The following KCNV2 variants were observed in gnomAD, a reference collection of about 807,000 sequenced individuals.
KCNV2 encodes the protein potassium voltage-gated channel modifier subfamily V member 2, also known as potassium voltage-gated channel subfamily V member 2.
In KCNV2, 65 loss-of-function variants were observed where a neutral mutation model predicts 37.0. The ratio of observed to expected loss-of-function variants is 1.76; its 90% CI spans 1.44 to 2.16. KCNV2 has a LOEUF of 2.16. Among genes scored for constraint, KCNV2 ranks in the 30% most tolerant of loss-of-function variants. KCNV2 has a pLI of 0.00. For synonymous variants in KCNV2, 518 were observed against 328.6 expected (o/e 1.58, Z -6.23); for missense variants, 1,232 against 766.7 (o/e 1.61, Z -7.17).
chr9:2,726,452 A>G (rs1338844329), intron 1 of KCNV2, among the ~76,000 whole-genome samples: 1 of 152,142 alleles, frequency 6.6e-6, no homozygotes, highest in Non-Finnish European at 1.5e-5. Flanking sequence ...CTTTAAGCCA[A>G]TTCTCTTTGC....
intron 1 of KCNV2, among the ~76,000 whole-genome samples, chr9:2,719,775 C>T (rs1249098064): frequency 6.6e-6 from 1 of 152,242 alleles, no homozygotes; most frequent in Non-Finnish European, 1.5e-5. Context: ...GAAACTCAGT[C>T]CTGTCCATCT....
chr9:2,718,685 G>C lies in KCNV2; in HGVS notation c.946G>C (p.Glu316Gln), dbSNP rs761886297. Reference sequence around the variant, plus strand: ...GCTGTGCATGGGCTTCTTCACGCTCGAGTACCTGCTGCGCCTAGCCTCCAC... The same window carrying C: ...GCTGTGCATGGGCTTCTTCACGCTCCAGTACCTGCTGCGCCTAGCCTCCAC... ...EMLCMGFFTL[E>Q]YLLRLASTPD... The change falls in exon 1 of 2, where the codon GAG (glutamate) becomes CAG (glutamine). Residue 316 changes from glutamate to glutamine, a missense_variant. Coordinates refer to ENST00000382082, the MANE Select transcript of KCNV2 (RefSeq NM_133497.4). 63 of 1,613,194 alleles carry C rather than the reference G, an allele frequency of 3.9e-5. No individual in the cohort carries two copies. In the Admixed American group the frequency reaches 5.2e-4, roughly 13 times the overall value.
chr9:2,723,956 TCTTTTAC>T (rs1233837208), intron 1 of KCNV2, among the ~76,000 whole-genome samples: 3 of 150,984 alleles, frequency 2.0e-5, no homozygotes, highest in African/African-American at 7.3e-5. Context: ...ATGGTTTTTT[TCTTTTAC>T]TTTTTTTTTT....
rs372942165 is a variant in KCNV2, at chr9:2,718,067, C to G, written c.328C>G (p.Leu110Val). 7.5e-6 allele frequency: 12 copies of G among 1,605,356 alleles called. No homozygotes were observed. Among genetic ancestry groups the G allele is most frequent in the East Asian group, 2.2e-5 (1 of 44,600 alleles). ...GAACGTGGGTGGCCACAGCTACCAG[C>G]TGGACTACTGCGAGCTGGCCGGCTT... ...NVNVGGHSYQ[L>V]DYCELAGFPK... The change falls in exon 1 of 2, where the codon CTG becomes GTG. Residue 110 changes from leucine (L) to valine (V), a missense_variant. By Grantham distance (32) the Leu-to-Val change is conservative. Transcript: ENST00000382082.
chr9:2,724,636 G>A (rs749988507), intron 1 of KCNV2, among the ~76,000 whole-genome samples: 8 of 152,186 alleles, frequency 5.3e-5, no homozygotes, highest in Non-Finnish European at 1.0e-4. Flanking sequence ...TCCTAAATTG[G>A]CACCATGAGG....
Position 2,718,295 on chromosome 9 carries a change from G to T in KCNV2, c.556G>T (p.Gly186Cys). The change falls in exon 1 of 2, where the codon GGC (glycine) becomes TGC (cysteine). Residue 186 changes from glycine to cysteine, a missense_variant. Physicochemically the swap from Gly to Cys is radical, Grantham distance 159. Transcript: ENST00000382082. ...LCPRRFLEEL[G>C]YWGVRLKYTP... ...TCCGCGCCGCTTCCTGGAGGAGCTGGGCTACTGGGGCGTGCGGCTCAAGTA... is the reference window on the plus strand; with the variant it reads ...TCCGCGCCGCTTCCTGGAGGAGCTGTGCTACTGGGGCGTGCGGCTCAAGTA... 2.5e-6 allele frequency: 4 copies of T among 1,610,530 alleles called. No homozygotes were observed. The highest frequency in any genetic ancestry group is 3.4e-6 in the Non-Finnish European group (4 of 1,179,554).
Position 2,719,019 on chromosome 9 carries a change from CGGCT to C in KCNV2, c.1282_1285del (p.Ala428SerfsTer25). ...GCCATGGGCATCTTCACTTTCTCTG[CGGCT>C]GTCTACTCTGTGGAGCACGATGTGC... On this transcript the variant is annotated frameshift_variant, in exon 1 of 2. Transcript: ENST00000382082. LOFTEE classifies it high-confidence loss of function. 1 of 1,612,888 alleles carries C rather than the reference CGGCT, an allele frequency of 6.2e-7. No individual in the cohort carries two copies. The highest frequency in any genetic ancestry group is 8.5e-7 in the Non-Finnish European group (1 of 1,180,028).
intron 1 of KCNV2, among the ~76,000 whole-genome samples, chr9:2,725,596 G>A (rs1042885615): frequency 2.0e-5 from 3 of 152,232 alleles, no homozygotes; most frequent in Non-Finnish European, 4.4e-5. Context: ...AGTAAGTACA[G>A]CCTTTGAAGC....
At chr9:2,723,784 T>G (rs987214573) in intron 1 of KCNV2, among the ~76,000 whole-genome samples, 1 of 152,152 alleles carries the variant, frequency 6.6e-6, no homozygotes, top group African/African-American at 2.4e-5. Flanking sequence ...TGTTCCCTCA[T>G]GGGAGAACTT....
chr9:2,718,707 C>A lies in KCNV2; in HGVS notation c.968C>A (p.Ser323Tyr). Residue 323 changes from serine to tyrosine, a missense_variant, in exon 1 of 2, where the codon TCC becomes TAC. Ser to Tyr is a moderately radical substitution (Grantham distance 144). Coordinates refer to ENST00000382082, the MANE Select transcript of KCNV2 (RefSeq NM_133497.4). ...CTCGAGTACCTGCTGCGCCTAGCCT[C>A]CACGCCCGACCTGAGGCGCTTCGCG... ...FTLEYLLRLASTPDLRRFARS... is the reference protein window; with the variant it reads ...FTLEYLLRLAYTPDLRRFARS... The A allele has an allele frequency of 6.2e-7, 1 of 1,613,160 alleles. No individual in the cohort carries two copies. Among genetic ancestry groups the A allele is most frequent in the East Asian group, 2.2e-5 (1 of 44,850 alleles).
In KCNV2 at chr9:2,717,803, G is replaced by T. The variant is rs1257547518; in HGVS notation, c.64G>T (p.Glu22Ter). The change falls in exon 1 of 2, where the codon GAG becomes TAG. Residue 22 changes from glutamate to a stop codon, truncating the protein, a stop_gained. Transcript: ENST00000382082. LOFTEE classifies it high-confidence loss of function. Reference sequence around the variant, plus strand: ...CAGGCCCTGGAACACGACGGAGAATGAGGGCAGCCAACACCGCAGGAGCAT... The same window carrying T: ...CAGGCCCTGGAACACGACGGAGAATTAGGGCAGCCAACACCGCAGGAGCAT... ...SYRPWNTTENEGSQHRRSICS... is the reference protein window; with the variant it reads ...SYRPWNTTEN The T allele has an allele frequency of 2.5e-6, 4 of 1,614,136 alleles. No individual in the cohort carries two copies. Among genetic ancestry groups the T allele is most frequent in the Non-Finnish European group, 3.4e-6 (4 of 1,180,050 alleles).
rs755979562 is a variant in KCNV2, at chr9:2,717,689, G to T, written c.-51G>T. 3.1e-6 allele frequency: 5 copies of T among 1,612,600 alleles called. No homozygotes were observed. The African/African-American group carries it at 4.0e-5, about 13-fold the overall frequency. ...TCCTAGAGGCAGTGAGCAGGTGAGG[G>T]ACCCCTACCACAGCCAGGAGGAAAA... On this transcript the variant is annotated 5_prime_UTR_variant, in exon 1 of 2. Coordinates refer to ENST00000382082, the MANE Select transcript of KCNV2 (RefSeq NM_133497.4).
chr9:2,723,843 T>C lies in KCNV2; in HGVS notation c.1356+4748T>C, dbSNP rs897027214. On this transcript the variant is annotated intron_variant, in intron 1 of 1. Transcript: ENST00000382082. ...CACGCCTAAAGCAGCTCCAGCCATC[T>C]TGGGGCTCTCTGGATTGCCTGGGGG... Among the ~76,000 whole-genome samples the C allele has an allele frequency of 1.2e-4, 18 of 152,358 alleles. No homozygotes were observed. The East Asian group carries it at 1.7e-3, about 15-fold the overall frequency.
chr9:2,729,636 G>C lies in KCNV2; in HGVS notation c.1547G>C (p.Gly516Ala). The C allele has an allele frequency of 6.2e-7, 1 of 1,614,138 alleles. No homozygotes were observed. Among genetic ancestry groups the C allele is most frequent in the Non-Finnish European group, 8.5e-7 (1 of 1,179,998 alleles). ...YEYTTIRRER[G>A]EVNFMQRARK... ...TATACCACCATACGCAGGGAGAGGG[G>C]AGAGGTGAACTTCATGCAGAGAGCC... Residue 516 changes from glycine to alanine, a missense_variant, in exon 2 of 2, where the codon GGA becomes GCA. By Grantham distance (60) the Gly-to-Ala change is moderately conservative. Transcript: ENST00000382082.
chr9:2,719,571 T>G lies in KCNV2; in HGVS notation c.1356+476T>G, dbSNP rs144426802. 6.9e-3 allele frequency among the ~76,000 whole-genome samples: 1,044 copies of G among 152,264 alleles called. 15 individuals are homozygous for G. The highest frequency in any genetic ancestry group is 0.024 in the African/African-American group (985 of 41,554). ...TGAGACTTGGCTGAACCATGTTGAC[T>G]CTAACTGAAATCCCACCACCTCTGG... is the stretch of plus-strand genomic sequence containing the variant. On this transcript the variant is annotated intron_variant, in intron 1 of 1. Coordinates refer to ENST00000382082, the MANE Select transcript of KCNV2 (RefSeq NM_133497.4).
In KCNV2 at chr9:2,727,245, G is replaced by A. The variant is rs181292690; in HGVS notation, c.1357-2201G>A. 2.7e-4 allele frequency among the ~76,000 whole-genome samples: 40 copies of A among 150,836 alleles called. No individual in the cohort carries two copies. In the East Asian group the frequency reaches 7.2e-3, roughly 27 times the overall value. ...GGTCAATGACAAGAAACACACACCCGGACACAGGAAGGGGAACATCACACA... is the reference window on the plus strand; with the variant it reads ...GGTCAATGACAAGAAACACACACCCAGACACAGGAAGGGGAACATCACACA... On this transcript the variant is annotated intron_variant, in intron 1 of 1. Coordinates refer to ENST00000382082, the MANE Select transcript of KCNV2 (RefSeq NM_133497.4).
In KCNV2 at chr9:2,718,357, G is replaced by C. The variant is rs745790275; in HGVS notation, c.618G>C (p.Arg206=). ...PRCCRICFEE[R]RDELSERLKI... ...GCTGCCGCATCTGCTTCGAGGAGCG[G>C]CGCGACGAGCTGAGCGAACGGCTCA... is the stretch of plus-strand genomic sequence containing the variant. Residue 206 remains arginine (R), a synonymous_variant, in exon 1 of 2, where the codon CGG becomes CGC. Coordinates refer to ENST00000382082, the MANE Select transcript of KCNV2 (RefSeq NM_133497.4). 1.8e-5 allele frequency: 28 copies of C among 1,598,348 alleles called. No homozygotes were observed. Among genetic ancestry groups the C allele is most frequent in the Middle Eastern group, 1.8e-4 (1 of 5,660 alleles).
Position 2,719,075 on chromosome 9 carries a change from C to T in KCNV2, c.1336C>T (p.His446Tyr). ...VPSTNFTTIP[H>Y]SWWWAAVSIS... ...CAGCACCAACTTCACTACCATCCCCCACTCCTGGTGGTGGGCCGCGGTGAG... is the reference window on the plus strand; with the variant it reads ...CAGCACCAACTTCACTACCATCCCCTACTCCTGGTGGTGGGCCGCGGTGAG... Residue 446 changes from histidine to tyrosine, a missense_variant, in exon 1 of 2, where the codon CAC becomes TAC. Transcript: ENST00000382082. The T allele has an allele frequency of 1.9e-6, 3 of 1,611,482 alleles. No individual in the cohort carries two copies. Among genetic ancestry groups the T allele is most frequent in the South Asian group, 1.1e-5 (1 of 91,084 alleles).
chr9:2,724,019 T>G (rs1351660202), intron 1 of KCNV2, among the ~76,000 whole-genome samples: 2 of 151,734 alleles, frequency 1.3e-5, no homozygotes, highest in Non-Finnish European at 2.9e-5. Context: ...TTATTTTTTT[T>G]TTGCCGGGGG....
Sources: allele counts gnomAD v4.1 joint callset (sites outside exome capture counted in the v4.1 genomes callset), GRCh38; gene constraint gnomAD v4.1.1; transcripts MANE v1.5; gene names NCBI Gene and HGNC (gene_info 2026-07-23, HGNC 2026-07-21).